The following ADRA1A variants were observed in gnomAD, a reference collection of about 807,000 sequenced individuals.
ADRA1A encodes the protein alpha-1A adrenergic receptor.
Under a neutral mutation model 29.6 loss-of-function variants are expected in ADRA1A, and 31 were observed. The observed-to-expected ratio is 1.05, with a 90% CI of 0.79 to 1.41. The LOEUF is 1.41. Ranked by LOEUF, ADRA1A falls within the 40% of genes most tolerant of loss-of-function variation. ADRA1A has a pLI of 0.00. For missense variants in ADRA1A, 619 were observed against 601.1 expected (o/e 1.03, Z -0.31); for synonymous variants, 311 against 254.3 (o/e 1.22, Z -2.12).
intron 2 of ADRA1A, among the ~76,000 whole-genome samples, chr8:26,784,465 A>G (rs1807228719): frequency 6.6e-6 from 1 of 152,236 alleles, no homozygotes; most frequent in Non-Finnish European, 1.5e-5. Flanking sequence ...CAGATGTACT[A>G]ATTCCCCAGG....
At chr8:26,790,659 A>G (rs1408862929) in intron 2 of ADRA1A, among the ~76,000 whole-genome samples, 1 of 152,198 alleles carries the variant, frequency 6.6e-6, no homozygotes, top group Non-Finnish European at 1.5e-5. Flanking sequence ...TGGATATGTT[A>G]ATCACTCTAA....
Position 26,848,444 on chromosome 8 carries a change from GCTCT to G in ADRA1A, c.883+15639_883+15642del, listed in dbSNP as rs144489462. Reference sequence around the variant, plus strand: ...TATACAAAGAGGAAGGTACCAGAGAGCTCTCTCTCTCTCTCTCTTCATCAGGTGA... The same window carrying G: ...TATACAAAGAGGAAGGTACCAGAGAGCTCTCTCTCTCTCTTCATCAGGTGA... On this transcript the variant is annotated intron_variant, in intron 2 of 2. Transcript: ENST00000380573. This position sits in a 1 kb window ranked among gnomAD's most constrained non-coding sequence, Gnocchi z 4.3. Among the ~76,000 whole-genome samples the G allele has an allele frequency of 2.0e-5, 3 of 150,056 alleles. No homozygotes were observed. The highest frequency in any genetic ancestry group is 6.6e-5 in the Admixed American group (1 of 15,064).
chr8:26,789,374 G>C (rs774703445), intron 2 of ADRA1A, among the ~76,000 whole-genome samples: 2 of 152,136 alleles, frequency 1.3e-5, no homozygotes, highest in Non-Finnish European at 2.9e-5. Flanking sequence ...GCAGCTAACT[G>C]ATTTTCAACA....
chr8:26,851,911 C>T (rs1812665037), intron 2 of ADRA1A, among the ~76,000 whole-genome samples: 1 of 151,850 alleles, frequency 6.6e-6, no homozygotes, highest in African/African-American at 2.4e-5. Flanking sequence ...TGGAAAACAC[C>T]ACTATTAATG....
At position 26,823,578 on chromosome 8, in the gene ADRA1A, G is replaced by C. The variant is rs976857982; in HGVS notation, c.883+40509C>G. Among the ~76,000 whole-genome samples the C allele has an allele frequency of 6.6e-6, 1 of 152,164 alleles. No individual in the cohort carries two copies. The highest frequency in any genetic ancestry group is 2.4e-5 in the African/African-American group (1 of 41,428). ...AATGCACTGGTTCGGGGAGCGCTGG[G>C]CTAAGGATCAGGCTGCTTGGGCTAT... is the stretch of plus-strand genomic sequence containing the variant. On this transcript the variant is annotated intron_variant, in intron 2 of 2. Transcript: ENST00000380573. This position sits in a 1 kb window ranked among gnomAD's most constrained non-coding sequence, Gnocchi z 4.2.
chr8:26,788,423 T>C (rs1807566361), intron 2 of ADRA1A, among the ~76,000 whole-genome samples: 1 of 152,160 alleles, frequency 6.6e-6, no homozygotes, highest in Admixed American at 6.5e-5. Flanking sequence ...AAATTAGACA[T>C]AATTTTTGAA....
chr8:26,867,310 T>G, upstream of ADRA1A: 1 of 985,426 alleles, frequency 1.0e-6, no homozygotes, highest in Non-Finnish European at 1.2e-6. Flanking sequence ...CGTAATCTCC[T>G]GCTGCTACCG....
At chr8:26,836,758 G>A (rs1210067991) in intron 2 of ADRA1A, among the ~76,000 whole-genome samples, 4 of 152,206 alleles carry the variant, frequency 2.6e-5, no homozygotes, top group Non-Finnish European at 4.4e-5. Context: ...ACTACAAAGA[G>A]ATGTGAGAAA....
intron 2 of ADRA1A, among the ~76,000 whole-genome samples, chr8:26,794,957 G>A (rs951846391): frequency 1.3e-5 from 2 of 152,068 alleles, no homozygotes; most frequent in Non-Finnish European, 2.9e-5. Flanking sequence ...TGTGTATCCT[G>A]TGTACTATAA....
chr8:26,779,193 A>G (rs773113832), intron 2 of ADRA1A: 54 of 647,154 alleles, frequency 8.3e-5, no homozygotes, highest in Non-Finnish European at 1.3e-4. Flanking sequence ...CTGTAGTGCA[A>G]GATGGGAGCA....
In ADRA1A at chr8:26,770,282, C is replaced by T. The variant is rs771722367; in HGVS notation, c.1268G>A (p.Arg423Gln). The change falls in exon 3 of 3, where the codon CGG (arginine) becomes CAG (glutamine). Residue 423 changes from arginine (R) to glutamine (Q), a missense_variant. Arg to Gln is a conservative substitution (Grantham distance 43). Transcript: ENST00000380573. ...SKDQSSCTTA[R>Q]VRSKSFLQVC... is the part of the protein sequence containing the mutation. ...CTGCAAAAAGCTTTTACTTCTCACC[C>T]GGGCTGTGGTACAGGAGGATTGGTC... 93 of 1,614,078 alleles carry T rather than the reference C, an allele frequency of 5.8e-5. No individual in the cohort carries two copies. Among genetic ancestry groups the T allele is most frequent in the Non-Finnish European group, 7.0e-5 (83 of 1,180,032 alleles).
chr8:26,756,400 C>G, exon 3 of ADRA1A: 1 of 1,302,154 alleles, frequency 7.7e-7, no homozygotes, highest in Non-Finnish European at 9.9e-7. Context: ...GAATTCCTCA[C>G]ACCCTACACG....
chr8:26,861,841 G>A (rs988065684), intron 2 of ADRA1A, among the ~76,000 whole-genome samples: 3 of 152,000 alleles, frequency 2.0e-5, no homozygotes, highest in African/African-American at 4.8e-5. Context: ...ATGTGATCAC[G>A]TCTTACCACC....
downstream of ADRA1A, chr8:26,765,878 C>G (rs554934748): frequency 1.6e-5 from 22 of 1,413,072 alleles, no homozygotes; most frequent in South Asian, 3.0e-4. Context: ...CCTGCCCAAG[C>G]AAATAGTTCC....
chr8:26,782,986 C>T (rs1283133872), intron 2 of ADRA1A, among the ~76,000 whole-genome samples: 1 of 152,166 alleles, frequency 6.6e-6, no homozygotes, highest in Non-Finnish European at 1.5e-5. Context: ...ACTACGAAAC[C>T]TGTATTCACT....
intron 2 of ADRA1A, among the ~76,000 whole-genome samples, chr8:26,840,048 C>T (rs1324469008): frequency 6.6e-6 from 1 of 152,246 alleles, no homozygotes; most frequent in Non-Finnish European, 1.5e-5. Flanking sequence ...TCTGCAATTT[C>T]TCAAGTTTGC....
intron 2 of ADRA1A, among the ~76,000 whole-genome samples, chr8:26,855,237 G>T (rs183151970): frequency 1.2e-4 from 19 of 152,284 alleles, no homozygotes; most frequent in Non-Finnish European, 2.5e-4. Context: ...GTGTGTGCAT[G>T]TGAGTGCATG....
chr8:26,840,470 T>C (rs932596870), intron 2 of ADRA1A, among the ~76,000 whole-genome samples: 2 of 152,200 alleles, frequency 1.3e-5, no homozygotes, highest in East Asian at 1.9e-4. Flanking sequence ...GCAGTTACCA[T>C]GGAAACCCTA....
intron 2 of ADRA1A, among the ~76,000 whole-genome samples, chr8:26,778,404 G>A (rs146654263): frequency 6.6e-6 from 1 of 152,288 alleles, no homozygotes; most frequent in African/African-American, 2.4e-5. Context: ...AAGTCATCAT[G>A]TGCTTTTATG....
Sources: allele counts gnomAD v4.1 joint callset (sites outside exome capture counted in the v4.1 genomes callset), GRCh38; gene constraint gnomAD v4.1.1; non-coding constraint Gnocchi (gnomAD v3.1); transcripts MANE v1.5; gene names NCBI Gene and HGNC (gene_info 2026-07-23, HGNC 2026-07-21).